Variants in PCDH15 observed in about 807,000 individuals in gnomAD.
The protein encoded by PCDH15 is protocadherin related 15.
PCDH15 carries 129 observed loss-of-function variants against 178.5 expected under a neutral mutation model. That is an observed-to-expected ratio of 0.72 (90% CI 0.63 to 0.84). PCDH15 has a LOEUF of 0.84. PCDH15 is among the 40% of genes least tolerant of loss of function. The pLI, the probability that PCDH15 is intolerant of heterozygous loss-of-function variation, is 0.00. For missense variants in PCDH15, 2,230 were observed against 2,099.9 expected (o/e 1.06, Z -1.21); for synonymous variants, 800 against 732.0 (o/e 1.09, Z -1.50).
chr10:55,544,139 C>CATATATATATATATAT (rs1176456895), intron 2 of PCDH15, among the ~76,000 whole-genome samples: 626 of 53,910 alleles, frequency 0.012, 18 homozygotes, highest in Non-Finnish European at 0.015. Flanking sequence ...CTTATACATA[C>CATATATATATATATAT]ATATATATAT....
At position 54,363,672 on chromosome 10, in the gene PCDH15, T is replaced by C. The variant is rs553659762; in HGVS notation, c.474+5448A>G. Among the ~76,000 whole-genome samples, 3 of 152,270 alleles carry C rather than the reference T, an allele frequency of 2.0e-5. No individual in the cohort carries two copies. In the South Asian group the frequency reaches 6.2e-4, roughly 32 times the overall value. ...AGGGTGTCTGCCTGTTCAGTTTTTGTTGACACTACAAAATAACTAATGTAA... is the reference window on the plus strand; with the variant it reads ...AGGGTGTCTGCCTGTTCAGTTTTTGCTGACACTACAAAATAACTAATGTAA... On this transcript the variant is annotated intron_variant, in intron 5 of 37. Transcript: ENST00000644397.
chr10:54,655,183 C>G (rs960503215), intron 2 of PCDH15, among the ~76,000 whole-genome samples: 3 of 147,402 alleles, frequency 2.0e-5, no homozygotes, highest in African/African-American at 7.5e-5. Flanking sequence ...TGCACTCCAG[C>G]CTGGGCACAG....
chr10:55,310,349 A>T (rs1358438437), intron 1 of PCDH15, among the ~76,000 whole-genome samples: 1 of 152,178 alleles, frequency 6.6e-6, no homozygotes, highest in East Asian at 1.9e-4. Flanking sequence ...TTGTTGAATC[A>T]GCAAACATTA....
chr10:55,623,165 AC>A (rs1639789157), intron 2 of PCDH15, among the ~76,000 whole-genome samples: 1 of 152,256 alleles, frequency 6.6e-6, no homozygotes, highest in African/African-American at 2.4e-5. Flanking sequence ...GTGAGTTTCT[AC>A]ACAAGTTATT....
At chr10:54,622,258 G>A (rs772113873) in intron 2 of PCDH15, among the ~76,000 whole-genome samples, 12 of 151,634 alleles carry the variant, frequency 7.9e-5, no homozygotes, top group Non-Finnish European at 1.2e-4. Flanking sequence ...ATTTATGTGT[G>A]TGTGTGTGTT....
intron 2 of PCDH15, among the ~76,000 whole-genome samples, chr10:55,338,721 G>A (rs181835215): frequency 2.0e-5 from 3 of 152,232 alleles, no homozygotes; most frequent in East Asian, 3.9e-4. Flanking sequence ...GTTGCAGTGA[G>A]CCGAGACCAT....
intron 23 of PCDH15, among the ~76,000 whole-genome samples, chr10:53,951,875 C>T (rs898953828): frequency 1.3e-5 from 2 of 152,166 alleles, no homozygotes; most frequent in Non-Finnish European, 2.9e-5. Flanking sequence ...TGGGGTCCAC[C>T]ACTGTGCACA....
chr10:55,038,770 T>C (rs983142297), intron 2 of PCDH15, among the ~76,000 whole-genome samples: 9 of 152,238 alleles, frequency 5.9e-5, no homozygotes, highest in East Asian at 1.9e-4. Flanking sequence ...TGGAAGGGAT[T>C]CACTATGATC....
At chr10:54,772,374 C>T (rs1233805556) in intron 1 of PCDH15, among the ~76,000 whole-genome samples, 1 of 152,082 alleles carries the variant, frequency 6.6e-6, no homozygotes, top group Non-Finnish European at 1.5e-5. Flanking sequence ...TTAAGACATT[C>T]CTTGTATTAT....
intron 21 of PCDH15, among the ~76,000 whole-genome samples, chr10:53,981,516 A>G (rs1401522454): frequency 2.6e-5 from 4 of 152,090 alleles, no homozygotes; most frequent in East Asian, 1.9e-4. Flanking sequence ...ATAACGCCAC[A>G]TATCTACAAC....
rs145536482 is a variant in PCDH15, at chr10:54,454,529, T to C, written c.157+73283A>G. Among the ~76,000 whole-genome samples, 626 of 151,304 alleles carry C rather than the reference T, an allele frequency of 4.1e-3. 3 individuals carry two copies. The highest frequency in any genetic ancestry group is 0.015 in the African/African-American group (604 of 41,460). On this transcript the variant is annotated intron_variant, in intron 3 of 37. Transcript: ENST00000644397. Reference sequence around the variant, plus strand: ...AGCATCTTATTCAACTGATGTTTAATAAATATTTCTGTGGATTATTCCTCT... The same window carrying C: ...AGCATCTTATTCAACTGATGTTTAACAAATATTTCTGTGGATTATTCCTCT...
chr10:54,380,643 GTATATATATATATA>G (rs59953769), intron 3 of PCDH15, among the ~76,000 whole-genome samples: 3 of 15,294 alleles, frequency 2.0e-4, no homozygotes, highest in South Asian at 1.8e-3. Context: ...GTGTATGCAT[GTATATATATATATA>G]TATATATATA....
At chr10:54,666,297 G>C (rs1286807977) in intron 1 of PCDH15, among the ~76,000 whole-genome samples, 1 of 152,064 alleles carries the variant, frequency 6.6e-6, no homozygotes, top group Non-Finnish European at 1.5e-5. Context: ...GTGGAGGAAA[G>C]GTCAGGCTCA....
intron 3 of PCDH15, among the ~76,000 whole-genome samples, chr10:54,863,023 A>G (rs889133895): frequency 7.9e-5 from 12 of 152,076 alleles, no homozygotes; most frequent in Non-Finnish European, 1.8e-4. Flanking sequence ...AAAGTATACC[A>G]CTTTATTTAT....
intron 3 of PCDH15, among the ~76,000 whole-genome samples, chr10:54,819,387 C>T (rs2133738466): frequency 6.6e-6 from 1 of 151,840 alleles, no homozygotes; most frequent in East Asian, 1.9e-4. Flanking sequence ...ACTGAAATTA[C>T]TTTTTCTGTT....
chr10:54,462,490 CTTTTCT>C (rs1276986314), intron 3 of PCDH15, among the ~76,000 whole-genome samples: 4 of 128,554 alleles, frequency 3.1e-5, no homozygotes, highest in East Asian at 2.1e-4. Context: ...CTTTTCTTTT[CTTTTCT>C]TTTTCTTTTT....
chr10:53,939,134 T>A (rs1208953016), intron 24 of PCDH15, among the ~76,000 whole-genome samples, 179 bp from the exon 25 acceptor site: 1 of 152,142 alleles, frequency 6.6e-6, no homozygotes, highest in East Asian at 1.9e-4. Context: ...ATGATCAACA[T>A]CAATACTTCG....
Position 55,389,645 on chromosome 10 carries a change from C to T in PCDH15, c.-155-222994G>A, listed in dbSNP as rs140466047. Reference sequence around the variant, plus strand: ...TTCTAGAGTGACAATTTTGGCATCCCGGGAAGCTGCCTTGTTTTTCTTATC... The same window carrying T: ...TTCTAGAGTGACAATTTTGGCATCCTGGGAAGCTGCCTTGTTTTTCTTATC... On this transcript the variant is annotated intron_variant, in intron 2 of 5. Coordinates refer to the PCDH15 transcript ENST00000613346. Among the ~76,000 whole-genome samples, 567 of 152,118 alleles carry T rather than the reference C, an allele frequency of 3.7e-3. 4 individuals are homozygous for T. Among genetic ancestry groups the T allele is most frequent in the African/African-American group, 0.011 (470 of 41,520 alleles).
intron 1 of PCDH15, among the ~76,000 whole-genome samples, chr10:54,734,744 G>A (rs1943857042): frequency 6.6e-6 from 1 of 151,906 alleles, no homozygotes; most frequent in Non-Finnish European, 1.5e-5. Context: ...ACCAACTATT[G>A]ATACCTACAA....
Sources: gnomAD v4.1 joint callset for allele counts (sites outside exome capture counted in the v4.1 genomes callset) on GRCh38, gnomAD v4.1.1 for gene constraint, MANE v1.5 for transcripts, NCBI Gene and HGNC (gene_info 2026-07-23, HGNC 2026-07-21) for gene names.